Variants in UBR3 observed in about 807,000 individuals in gnomAD.
UBR3 encodes the protein E3 ubiquitin-protein ligase UBR3.
UBR3 carries 85 observed loss-of-function variants against 243.2 expected under a neutral mutation model. That is an observed-to-expected ratio of 0.35 (90% CI 0.29 to 0.42). The LOEUF (loss-of-function observed/expected upper bound fraction) is 0.42, where lower values mean the gene tolerates loss of function less well. UBR3 is among the 10% of genes least tolerant of loss of function. The pLI, the probability that UBR3 is intolerant of heterozygous loss-of-function variation, is 1.00. For synonymous variants in UBR3, 748 were observed against 799.8 expected, an observed-to-expected ratio of 0.94 and a Z score of 1.09; for missense variants, 1,686 against 2,300.8, an observed-to-expected ratio of 0.73 and a Z score of 5.47.
chr2:170,032,617 A>G (rs916210191), intron 31 of UBR3, among the ~76,000 whole-genome samples: 14 of 50,904 alleles, frequency 2.8e-4, no homozygotes, highest in African/African-American at 1.1e-3. Flanking sequence ...TTTTTAGTTC[A>G]GGCCAGTTAT....
intron 35 of UBR3, among the ~76,000 whole-genome samples, chr2:170,071,316 A>T (rs573437879): frequency 4.1e-4 from 62 of 152,222 alleles, no homozygotes; most frequent in Non-Finnish European, 6.9e-4. Flanking sequence ...GGAAACAACC[A>T]TCAACATGTG....
chr2:169,865,843 T>G (rs2083239433), intron 1 of UBR3, among the ~76,000 whole-genome samples: 1 of 152,278 alleles, frequency 6.6e-6, no homozygotes, highest in Non-Finnish European at 1.5e-5. Context: ...GGCCAGATTC[T>G]CTTTTATCTT....
chr2:169,920,147 T>G (rs1559094416), intron 11 of UBR3, among the ~76,000 whole-genome samples: 1 of 152,132 alleles, frequency 6.6e-6, no homozygotes, highest in Non-Finnish European at 1.5e-5. Context: ...TAAAAAATGA[T>G]GAGTTCATGT....
At chr2:169,960,996 AT>A (rs2087545786) in intron 24 of UBR3, among the ~76,000 whole-genome samples, 1 of 151,708 alleles carries the variant, frequency 6.6e-6, no homozygotes, top group Non-Finnish European at 1.5e-5. Context: ...ACCACCTCTT[AT>A]TTGTTTCTAT....
chr2:169,980,736 T>C (rs935473459), intron 24 of UBR3, among the ~76,000 whole-genome samples: 1 of 151,462 alleles, frequency 6.6e-6, no homozygotes, highest in Admixed American at 6.6e-5. Context: ...CATTTAGCAT[T>C]AGGTATATCT....
chr2:170,021,289 C>T (rs2090385046), intron 30 of UBR3, among the ~76,000 whole-genome samples: 1 of 152,052 alleles, frequency 6.6e-6, no homozygotes, highest in Admixed American at 6.6e-5. Flanking sequence ...TTGTCTTAGT[C>T]TATAACAATA....
At chr2:169,967,128 T>C (rs2087849486) in intron 24 of UBR3, among the ~76,000 whole-genome samples, 1 of 152,074 alleles carries the variant, frequency 6.6e-6, no homozygotes, top group Non-Finnish European at 1.5e-5. Flanking sequence ...ATTAAGTAAA[T>C]TTGAGGTTAT....
At chr2:169,829,368 A>T (rs923363095) in intron 1 of UBR3, among the ~76,000 whole-genome samples, 5 of 151,338 alleles carry the variant, frequency 3.3e-5, no homozygotes, top group Non-Finnish European at 7.4e-5. Flanking sequence ...TTCAGAAAGG[A>T]GGTATTTTGA....
intron 24 of UBR3, among the ~76,000 whole-genome samples, chr2:169,983,252 C>CTTTTTTTTTTTTTTTTTTTTTTTTTTT (rs72194627): frequency 8.3e-5 from 6 of 71,986 alleles, no homozygotes; most frequent in African/African-American, 2.4e-4. Context: ...ATTCTCTCTC[C>CTTTTTTTTTTTTTTTTTTTTTTTTTTT]TTTTTTTTTT....
intron 24 of UBR3, among the ~76,000 whole-genome samples, chr2:169,985,395 A>AT (rs1436129022): frequency 2.0e-5 from 3 of 151,130 alleles, no homozygotes; most frequent in African/African-American, 7.3e-5. Context: ...TGCCTGCCCA[A>AT]TTTTTTGTAT....
At chr2:170,035,828 A>T (rs939282390) in intron 31 of UBR3, among the ~76,000 whole-genome samples, 1 of 140,434 alleles carries the variant, frequency 7.1e-6, no homozygotes. Flanking sequence ...TAGTCGTTTG[A>T]TTCCATTTAT....
chr2:169,927,906 A>G (rs1287652346), intron 17 of UBR3, among the ~76,000 whole-genome samples: 1 of 152,348 alleles, frequency 6.6e-6, no homozygotes, highest in East Asian at 1.9e-4. Flanking sequence ...TTCTTTGTAT[A>G]GGACTGAACA....
chr2:169,970,199 A>C (rs1234157420), intron 24 of UBR3, among the ~76,000 whole-genome samples: 1 of 133,764 alleles, frequency 7.5e-6, no homozygotes, highest in Admixed American at 7.3e-5. Flanking sequence ...TTTTCCTTGT[A>C]GGAGCTTTTA....
At chr2:169,833,664 G>C (rs535024638) in intron 1 of UBR3, among the ~76,000 whole-genome samples, 1 of 152,152 alleles carries the variant, frequency 6.6e-6, no homozygotes, top group East Asian at 1.9e-4. Flanking sequence ...AAAATAAGTG[G>C]ATAAAGTAAA....
At chr2:169,867,957 A>G (rs1438942406) in intron 1 of UBR3, among the ~76,000 whole-genome samples, 1 of 152,046 alleles carries the variant, frequency 6.6e-6, no homozygotes, top group Non-Finnish European at 1.5e-5. Context: ...TTAGTTTTTT[A>G]GTATAGAAAA....
intron 11 of UBR3, among the ~76,000 whole-genome samples, chr2:169,919,431 G>A (rs2085600779): frequency 1.3e-5 from 2 of 152,138 alleles, no homozygotes; most frequent in African/African-American, 2.4e-5. Context: ...AACACCAAAA[G>A]CAATGGCAAC....
rs146463902 is a variant in UBR3, at chr2:169,910,142, A to G, written c.1780-3918A>G. Reference sequence around the variant, plus strand: ...GTTGGATATATAAGTCTCATGCTCAAAAAGTAAGTCTGGACTGAGGTTATA... The same window carrying G: ...GTTGGATATATAAGTCTCATGCTCAGAAAGTAAGTCTGGACTGAGGTTATA... On this transcript the variant is annotated intron_variant, in intron 10 of 38. Transcript: ENST00000272793. Among the ~76,000 whole-genome samples the G allele has an allele frequency of 5.3e-4, 80 of 152,282 alleles. 1 individual carries two copies. In the Middle Eastern group the frequency reaches 0.01, roughly 19 times the overall value.
rs978643849 is a variant in UBR3, at chr2:169,895,112, G to A, written c.1106-69G>A. On this transcript the variant is annotated intron_variant, in intron 6 of 38. Transcript: ENST00000272793. ...ATACTTTCCCATTTTATGGTTTATG[G>A]GTTATTAGTTATAAAATGAGATGAG... 4 of 1,387,280 alleles carry A rather than the reference G, an allele frequency of 2.9e-6. No homozygotes were observed. In the African/African-American group the frequency reaches 5.9e-5, roughly 21 times the overall value. The allele number at this position is 1,387,280 out of a possible 1,614,324, so 85.9% of individuals were successfully genotyped here. A position where few individuals can be genotyped will look rare whatever the true frequency, so the allele number is the denominator to read the frequency against.
intron 1 of UBR3, among the ~76,000 whole-genome samples, chr2:169,867,909 C>G (rs1411306681): frequency 6.6e-6 from 1 of 152,094 alleles, no homozygotes; most frequent in Non-Finnish European, 1.5e-5. Context: ...CAGCATTCAT[C>G]TTTAAAGAGT....
Sources: gnomAD v4.1 joint callset for allele counts (sites outside exome capture counted in the v4.1 genomes callset) on GRCh38, gnomAD v4.1.1 for gene constraint, MANE v1.5 for transcripts, NCBI Gene and HGNC (gene_info 2026-07-23, HGNC 2026-07-21) for gene names.